Variants in MBP observed in about 807,000 individuals in gnomAD.
MBP encodes the protein Golli-MBP.
In MBP, 16 loss-of-function variants were observed where a neutral mutation model predicts 35.8. That is an observed-to-expected ratio of 0.45 (90% CI 0.30 to 0.68). MBP has a LOEUF of 0.68. Ranked by LOEUF, MBP falls within the 30% of genes least tolerant of loss-of-function variation. The probability of loss-of-function intolerance (pLI) is 0.08; values close to 1 mark genes in which losing one functional copy is unlikely to be tolerated. For synonymous variants in MBP, 143 were observed against 159.6 expected, an observed-to-expected ratio of 0.90 and a Z score of 0.78; for missense variants, 380 against 404.7, an observed-to-expected ratio of 0.94 and a Z score of 0.52.
chr18:77,016,631 A>G, intron 4 of MBP: 1 of 1,416,630 alleles, frequency 7.1e-7, no homozygotes, highest in South Asian at 1.6e-5. Flanking sequence ...TGAGGAAAAG[A>G]GGGGGTGAGT....
At chr18:77,066,047 G>T in intron 3 of MBP, 1 of 429,916 alleles carries the variant, frequency 2.3e-6, no homozygotes, top group Non-Finnish European at 4.1e-6. Flanking sequence ...ATTTTTTGTA[G>T]AGACGAGGTC....
At chr18:77,016,215 C>T (rs1019102188) in intron 4 of MBP, 300 of 982,852 alleles carry the variant, frequency 3.1e-4, no homozygotes, top group Non-Finnish European at 3.6e-4. Flanking sequence ...ACTTCTAAGA[C>T]TCTGTATGCA....
intron 3 of MBP, among the ~76,000 whole-genome samples, chr18:77,039,862 G>A (rs541642985): frequency 3.2e-4 from 48 of 152,286 alleles, no homozygotes; most frequent in African/African-American, 1.1e-3. Flanking sequence ...CCCCTGTCCG[G>A]TCACCCGAAT....
chr18:76,982,416 C>T (rs1441880899), intron 8 of MBP: 1 of 152,250 alleles, frequency 6.6e-6, no homozygotes, highest in Non-Finnish European at 1.5e-5. Flanking sequence ...ACTCTTGCCT[C>T]CACTTTGACA....
At chr18:77,061,471 C>G (rs1395438754) in intron 3 of MBP, among the ~76,000 whole-genome samples, 2 of 152,180 alleles carry the variant, frequency 1.3e-5, no homozygotes, top group African/African-American at 4.8e-5. Flanking sequence ...TTTATGATTA[C>G]CCCTACTTAC....
At chr18:77,003,939 C>T (rs1435251377) in intron 4 of MBP, 1 of 151,996 alleles carries the variant, frequency 6.6e-6, no homozygotes, top group Non-Finnish European at 1.5e-5. Flanking sequence ...AAACAGCAGA[C>T]CCCCTGCAAA....
chr18:77,024,458 C>T (rs1599090631), intron 3 of MBP, among the ~76,000 whole-genome samples: 1 of 152,362 alleles, frequency 6.6e-6, no homozygotes. Flanking sequence ...AACCATTTAG[C>T]ATGGCTCTGA....
intron 3 of MBP, among the ~76,000 whole-genome samples, chr18:77,056,091 G>A (rs1342901980): frequency 1.3e-5 from 2 of 152,244 alleles, no homozygotes; most frequent in African/African-American, 2.4e-5. Flanking sequence ...CCAGCGCATG[G>A]CAGTGAGGCC....
Position 76,988,956 on chromosome 18 carries a change from G to A in MBP, c.682-44C>T. 1 of 1,601,898 alleles carries A rather than the reference G, an allele frequency of 6.2e-7. No homozygotes were observed. Among genetic ancestry groups the A allele is most frequent in the East Asian group, 2.2e-5 (1 of 44,804 alleles). On this transcript the variant is annotated intron_variant, in intron 5 of 8. Transcript: ENST00000355994. This position sits in a 1 kb window ranked among gnomAD's most constrained non-coding sequence, Gnocchi z 5.2. ...CCGTGGGCTGCACTGGGAGCCCTGT[G>A]CCGCCGTCCATTTCCTAACGGGCTC...
At chr18:77,084,426 CCACACCACACA>C (rs1484687040) in intron 2 of MBP, among the ~76,000 whole-genome samples, 1,979 of 58,502 alleles carry the variant, frequency 0.034, 61 homozygotes, top group Non-Finnish European at 0.049. Context: ...CCCCGCCACA[CCACACCACACA>C]CACACACACA....
rs563337635 is a variant in MBP at position 77,101,708 on chromosome 18, C to T, written c.51+3503G>A. Among the ~76,000 whole-genome samples the T allele has an allele frequency of 3.5e-4, 53 of 152,182 alleles. No individual in the cohort carries two copies. The highest frequency in any genetic ancestry group is 6.0e-4 in the Non-Finnish European group (41 of 68,034). ...CCACAGTTAACCCTTTAGTTAGTTT[C>T]TCTTCCTCTTACATCCTGCCGTGGC... On this transcript the variant is annotated intron_variant, in intron 2 of 8. Transcript: ENST00000355994. The surrounding 1 kb of genome is among the most constrained non-coding windows in gnomAD (Gnocchi z 4.3).
chr18:77,067,676 AGGCTGCTT>A, intron 2 of MBP: 1 of 387,694 alleles, frequency 2.6e-6, no homozygotes, highest in Non-Finnish European at 5.2e-6. Context: ...CAGCACCGGG[AGGCTGCTT>A]CTCTCGGGTG....
intron 2 of MBP, chr18:77,093,341 T>A (rs1975620114): frequency 6.6e-6 from 1 of 152,318 alleles, no homozygotes; most frequent in South Asian, 2.1e-4. Flanking sequence ...AGGTGGGGCG[T>A]GTGCACAAAG....
In MBP at chr18:77,016,705, C is replaced by T. The variant is rs575124634; in HGVS notation, c.576+127G>A. 3.1e-4 allele frequency: 462 copies of T among 1,467,262 alleles called. No homozygotes were observed. In the Admixed American group the frequency reaches 4.3e-3, roughly 14 times the overall value. 90.9% of individuals were successfully genotyped at this position (1,467,262 alleles called of 1,614,324 possible). On this transcript the variant is annotated intron_variant, in intron 4 of 8. Coordinates refer to ENST00000355994, the MANE Select transcript of MBP (RefSeq NM_001025101.2). ...TCTTGGGCTCATATGCATTCTCCAG[C>T]ACGGAACGAGACCTTAGACAGCAAG... is the stretch of plus-strand genomic sequence containing the variant.
chr18:76,984,839 T>C lies in MBP; in HGVS notation c.806A>G (p.Lys269Arg). ...FGYGGRASDY[K>R]SAHKGFKGVD... ...TCCCTTGAATCCCTTGTGAGCCGAT[T>C]TATAGTCGGACGCTCTGCCTCCGTA... The change falls in exon 8 of 9, where the codon AAA (lysine) becomes AGA (arginine). Residue 269 changes from lysine (K) to arginine (R), a missense_variant. Physicochemically the swap from Lys to Arg is conservative, Grantham distance 26 (BLOSUM62 2). Coordinates refer to ENST00000355994, the MANE Select transcript of MBP (RefSeq NM_001025101.2). 1 of 1,614,056 alleles carries C rather than the reference T, an allele frequency of 6.2e-7. No individual in the cohort carries two copies. Among genetic ancestry groups the C allele is most frequent in the Non-Finnish European group, 8.5e-7 (1 of 1,180,034 alleles).
intron 7 of MBP, chr18:76,986,709 C>T: frequency 1.0e-6 from 1 of 985,512 alleles, no homozygotes. Flanking sequence ...GGGCAGGTTG[C>T]CAGCCTGGCT....
At position 77,016,917 on chromosome 18, in the gene MBP, G is replaced by A. The variant is rs142676475; in HGVS notation, c.491C>T (p.Pro164Leu). 177 of 1,614,200 alleles carry A rather than the reference G, an allele frequency of 1.1e-4. No individual in the cohort carries two copies. The highest frequency in any genetic ancestry group is 1.6e-4 in the Middle Eastern group (1 of 6,062). Residue 164 changes from proline to leucine, a missense_variant, in exon 4 of 9, where the codon CCA becomes CTA. Coordinates refer to ENST00000355994, the MANE Select transcript of MBP (RefSeq NM_001025101.2). ...TMDHARHGFL[P>L]RHRDTGILDS... Reference sequence around the variant, plus strand: ...AAGGATGCCCGTGTCTCTGTGCCTTGGGAGGAAGCCATGCCTGGCATGGTC... The same window carrying A: ...AAGGATGCCCGTGTCTCTGTGCCTTAGGAGGAAGCCATGCCTGGCATGGTC...
intron 2 of MBP, among the ~76,000 whole-genome samples, chr18:77,078,533 G>A (rs1320370046): frequency 6.6e-6 from 1 of 152,214 alleles, no homozygotes; most frequent in Non-Finnish European, 1.5e-5. Context: ...CCATAAAGTT[G>A]TTTACTGCTC....
intron 2 of MBP, among the ~76,000 whole-genome samples, chr18:77,097,695 G>A (rs1975818374): frequency 6.6e-6 from 1 of 152,336 alleles, no homozygotes; most frequent in South Asian, 2.1e-4. Context: ...CACTCACAGA[G>A]ACATGGATTC....
Sources: gnomAD v4.1 joint callset for allele counts (sites outside exome capture counted in the v4.1 genomes callset) on GRCh38, gnomAD v4.1.1 for gene constraint, Gnocchi (gnomAD v3.1) non-coding constraint, MANE v1.5 for transcripts, NCBI Gene and HGNC (gene_info 2026-07-23, HGNC 2026-07-21) for gene names.